Variants in NHS observed in about 807,000 individuals in gnomAD.
The protein encoded by NHS is NHS actin remodeling regulator.
Under a neutral mutation model 72.5 loss-of-function variants are expected in NHS, and 5 were observed. That is an observed-to-expected ratio of 0.07 (90% CI 0.04 to 0.14). The LOEUF is 0.14. Ranked by LOEUF, NHS falls within the 10% of genes least tolerant of loss-of-function variation. NHS has a pLI of 1.00. For synonymous variants in NHS, 464 were observed against 547.7 expected, an observed-to-expected ratio of 0.85 and a Z score of 2.13; for missense variants, 1,072 against 1,355.7, an observed-to-expected ratio of 0.79 and a Z score of 3.29.
At position 17,728,301 on chromosome X, in the gene NHS, G is replaced by C; in HGVS notation, c.4195G>C (p.Gly1399Arg). Reference sequence around the variant, plus strand: ...TAACAGCAAAGCAGAGGAGACCCAAGGAAATGTGGATGAGGCTTCATTGAA... The same window carrying C: ...TAACAGCAAAGCAGAGGAGACCCAACGAAATGTGGATGAGGCTTCATTGAA... The part of the protein sequence containing the change: ...SDNSKAEETQ[G>R]NVDEASLKES... Residue 1399 changes from glycine to arginine, a missense_variant, in exon 7 of 9, where the codon GGA becomes CGA. Physicochemically the swap from Gly to Arg is moderately radical, Grantham distance 125 (BLOSUM62 -2). Transcript: ENST00000676302. 1 of 1,211,441 alleles carries C rather than the reference G, an allele frequency of 8.3e-7. No homozygotes were observed.
At chrX:17,565,868 A>G (rs775952925) in intron 1 of NHS, among the ~76,000 whole-genome samples, 2 of 112,216 alleles carry the variant, frequency 1.8e-5, no homozygotes, top group East Asian at 5.6e-4. Flanking sequence ...TATCTTAGGC[A>G]TGGTTATGTG....
intron 1 of NHS, among the ~76,000 whole-genome samples, chrX:17,380,391 T>C (rs903901996): frequency 2.8e-5 from 3 of 108,882 alleles, no homozygotes; most frequent in African/African-American, 1.0e-4. Flanking sequence ...TTTTTTTTTT[T>C]TTCACTCTAT....
intron 1 of NHS, among the ~76,000 whole-genome samples, chrX:17,661,129 G>A (rs748233729): frequency 5.4e-5 from 6 of 111,788 alleles, no homozygotes; most frequent in South Asian, 3.8e-4. Flanking sequence ...CTCTCTTGCC[G>A]CTGCCATACT....
At chrX:17,538,095 G>C (rs1015917897) in intron 1 of NHS, among the ~76,000 whole-genome samples, 1 of 111,977 alleles carries the variant, frequency 8.9e-6, no homozygotes, top group Non-Finnish European at 1.9e-5. Context: ...GCAGAGAGGA[G>C]AGAGGGTGGA....
chrX:17,573,011 C>T (rs987452925), intron 1 of NHS, among the ~76,000 whole-genome samples: 2 of 112,337 alleles, frequency 1.8e-5, no homozygotes, highest in East Asian at 2.8e-4. Context: ...TCGGCCCCCA[C>T]TCTCTTCTGG....
rs1469703035 is a variant in NHS at position 17,592,410 on chromosome X, C to T, written c.566-95332C>T. On this transcript the variant is annotated intron_variant, in intron 1 of 8. Coordinates refer to ENST00000676302, the MANE Select transcript of NHS (RefSeq NM_001291867.2). ...TACCCCCTGGGTATTCTAGAATGTTCCATTGAGAGGTAATTAAGGGGAAGA... is the reference window on the plus strand; with the variant it reads ...TACCCCCTGGGTATTCTAGAATGTTTCATTGAGAGGTAATTAAGGGGAAGA... 8.9e-5 allele frequency among the ~76,000 whole-genome samples: 10 copies of T among 111,740 alleles called. No individual in the cohort carries two copies. In the Admixed American group the frequency reaches 9.5e-4, roughly 11 times the overall value.
chrX:17,687,221 C>T (rs1046051649), intron 1 of NHS: 1 of 153,462 alleles, frequency 6.5e-6, no homozygotes, highest in Middle Eastern at 2.6e-3. Flanking sequence ...GATAAGGATA[C>T]CTTGGGGACG....
chrX:17,588,529 A>G (rs1245825611), intron 1 of NHS, among the ~76,000 whole-genome samples: 4 of 111,542 alleles, frequency 3.6e-5, no homozygotes, highest in African/African-American at 1.3e-4. Context: ...GATGACAGAG[A>G]GAAATGTGCA....
intron 1 of NHS, among the ~76,000 whole-genome samples, chrX:17,671,462 A>C (rs993541286): frequency 8.9e-6 from 1 of 112,677 alleles, no homozygotes; most frequent in Non-Finnish European, 1.9e-5. Context: ...GGGTGGCTTT[A>C]GCAATGTTTT....
chrX:17,493,938 C>A (rs1338390058), intron 1 of NHS, among the ~76,000 whole-genome samples: 3 of 110,630 alleles, frequency 2.7e-5, no homozygotes, highest in South Asian at 7.8e-4. Context: ...AGTTAGGGAT[C>A]CTAGTTTTGA....
chrX:17,569,608 C>T (rs1221949588), intron 1 of NHS, among the ~76,000 whole-genome samples: 1 of 111,963 alleles, frequency 8.9e-6, no homozygotes, highest in Non-Finnish European at 1.9e-5. Flanking sequence ...TGTTCTCCCA[C>T]TCTCTAGGTT....
intron 1 of NHS, among the ~76,000 whole-genome samples, chrX:17,572,280 A>C (rs2065483890): frequency 9.1e-6 from 1 of 110,087 alleles, no homozygotes; most frequent in Admixed American, 9.7e-5. Context: ...AAAGTCTCCC[A>C]TTATTATTGT....
intron 1 of NHS, among the ~76,000 whole-genome samples, chrX:17,596,611 G>C (rs764542188): frequency 1.8e-5 from 2 of 112,030 alleles, no homozygotes; most frequent in Admixed American, 9.4e-5. Context: ...CATGCAGAGA[G>C]GTCAAAGATG....
intron 1 of NHS, among the ~76,000 whole-genome samples, chrX:17,534,565 C>T (rs1002230591): frequency 1.8e-5 from 2 of 111,025 alleles, no homozygotes; most frequent in African/African-American, 3.3e-5. Flanking sequence ...CTCTAGTGGC[C>T]CCATAAATGG....
chrX:17,463,953 A>G (rs2064860160), intron 1 of NHS, among the ~76,000 whole-genome samples: 2 of 112,337 alleles, frequency 1.8e-5, no homozygotes, highest in Non-Finnish European at 3.8e-5. Context: ...TGTGGGGCAG[A>G]ACCCTCTGGA....
At position 17,427,796 on chromosome X, in the gene NHS, T is replaced by TA. The variant is rs764682007; in HGVS notation, c.565+51480dup. Among the ~76,000 whole-genome samples the TA allele has an allele frequency of 6.1e-3, 682 of 112,711 alleles. 4 individuals are homozygous for TA. Among genetic ancestry groups the TA allele is most frequent in the African/African-American group, 0.021 (646 of 31,048 alleles). On this transcript the variant is annotated intron_variant, in intron 1 of 8. Coordinates refer to ENST00000676302, the MANE Select transcript of NHS (RefSeq NM_001291867.2). ...GAATACTTCCTAAGAATATATTTTT[T>TA]AAAAAATCAAGCACCCCTTGTGTAT... is the stretch of plus-strand genomic sequence containing the variant.
intron 1 of NHS, among the ~76,000 whole-genome samples, chrX:17,482,026 T>A (rs965943105): frequency 1.8e-5 from 2 of 112,339 alleles, no homozygotes; most frequent in African/African-American, 6.5e-5. Flanking sequence ...CTAAATTGGG[T>A]TCAGATCCTG....
chrX:17,636,144 T>A (rs2065845330), intron 1 of NHS, among the ~76,000 whole-genome samples: 1 of 111,939 alleles, frequency 8.9e-6, no homozygotes, highest in Non-Finnish European at 1.9e-5. Flanking sequence ...ACCTTCATCC[T>A]GAGATTACAG....
chrX:17,420,444 A>G (rs907053543), intron 1 of NHS, among the ~76,000 whole-genome samples: 3 of 110,788 alleles, frequency 2.7e-5, no homozygotes, highest in African/African-American at 9.9e-5. Context: ...CCATCCACTC[A>G]CTTACTGAAC....
Sources: gnomAD v4.1 joint callset for allele counts (sites outside exome capture counted in the v4.1 genomes callset) on GRCh38, gnomAD v4.1.1 for gene constraint, MANE v1.5 for transcripts, NCBI Gene and HGNC (gene_info 2026-07-23, HGNC 2026-07-21) for gene names.